The following LARGE1 variants were observed in gnomAD, a reference collection of about 807,000 sequenced individuals.
The protein encoded by LARGE1 is xylosyl- and glucuronyltransferase LARGE1.
In LARGE1, 43 loss-of-function variants were observed where a neutral mutation model predicts 87.6. That is an observed-to-expected ratio of 0.49 (90% confidence interval 0.38 to 0.63). The LOEUF (loss-of-function observed/expected upper bound fraction) is 0.63. LARGE1 is among the 30% of genes least tolerant of loss of function. LARGE1 has a pLI of 0.00. For synonymous variants in LARGE1, 434 were observed against 394.6 expected, an observed-to-expected ratio of 1.10 and a Z score of -1.18; for missense variants, 802 against 1,000.2, an observed-to-expected ratio of 0.80 and a Z score of 2.67.
At chr22:33,444,548 C>A (rs2067611841) in intron 6 of LARGE1, among the ~76,000 whole-genome samples, 1 of 152,110 alleles carries the variant, frequency 6.6e-6, no homozygotes, top group Admixed American at 6.5e-5. Context: ...TCTTTCTATT[C>A]TTAAGCCTGA....
chr22:33,801,399 TC>T (rs1157638797), intron 1 of LARGE1, among the ~76,000 whole-genome samples: 1 of 152,228 alleles, frequency 6.6e-6, no homozygotes, highest in Non-Finnish European at 1.5e-5. Flanking sequence ...TTTATCGTAT[TC>T]ATTCTAATAG....
At chr22:33,398,320 G>A (rs2065818828) in intron 7 of LARGE1, among the ~76,000 whole-genome samples, 3 of 151,840 alleles carry the variant, frequency 2.0e-5, no homozygotes, top group Admixed American at 2.0e-4. Context: ...GCTGGTCAAA[G>A]CAAAACAACT....
At chr22:33,796,294 T>A (rs569225353) in intron 1 of LARGE1, among the ~76,000 whole-genome samples, 45 of 152,196 alleles carry the variant, frequency 3.0e-4, no homozygotes, top group Non-Finnish European at 5.7e-4. Context: ...TTCTAAGAGT[T>A]GGTTTCAACG....
chr22:33,316,743 AAAAC>A (rs1176379533), intron 10 of LARGE1, among the ~76,000 whole-genome samples: 10 of 152,188 alleles, frequency 6.6e-5, no homozygotes, highest in African/African-American at 9.7e-5. Flanking sequence ...TTTCAAAACA[AAAAC>A]AAACAAAGAA....
Position 33,661,989 on chromosome 22 carries a change from A to G in LARGE1, c.107-11321T>C, listed in dbSNP as rs188157183. 2.0e-5 allele frequency among the ~76,000 whole-genome samples: 3 copies of G among 146,510 alleles called. No individual in the cohort carries two copies. The East Asian group carries it at 6.2e-4, about 30-fold the overall frequency. ...TAAAAATCTAGAGCAGGGGTGTCCA[A>G]TCTTTTGGCTTCCCTGGGCCACACT... On this transcript the variant is annotated intron_variant, in intron 2 of 14. Transcript: ENST00000397394.
chr22:33,594,508 C>T (rs2078925926), intron 5 of LARGE1, among the ~76,000 whole-genome samples: 1 of 152,204 alleles, frequency 6.6e-6, no homozygotes, highest in South Asian at 2.1e-4. Context: ...TTCCAGTTTA[C>T]CCTGCCCATT....
chr22:33,455,310 A>C (rs946397092), intron 6 of LARGE1, among the ~76,000 whole-genome samples: 1 of 152,210 alleles, frequency 6.6e-6, no homozygotes, highest in Non-Finnish European at 1.5e-5. Context: ...GGTGCTTACC[A>C]AGAGTGACTT....
At chr22:33,338,352 T>A (rs1326324102) in intron 9 of LARGE1, among the ~76,000 whole-genome samples, 1 of 152,034 alleles carries the variant, frequency 6.6e-6, no homozygotes, top group Admixed American at 6.6e-5. Flanking sequence ...TTTCCCACAC[T>A]CAGAACACGC....
intron 2 of LARGE1, among the ~76,000 whole-genome samples, chr22:33,661,248 C>G (rs1228688806): frequency 6.7e-6 from 1 of 149,408 alleles, no homozygotes; most frequent in Admixed American, 6.7e-5. Flanking sequence ...CAGGGTCTCG[C>G]TCTGTTGCCC....
chr22:33,564,376 G>A (rs1187333655), intron 6 of LARGE1, among the ~76,000 whole-genome samples: 2 of 152,070 alleles, frequency 1.3e-5, no homozygotes, highest in Non-Finnish European at 2.9e-5. Context: ...TAGAAAGAAC[G>A]TCTTGTAAAG....
intron 2 of LARGE1, among the ~76,000 whole-genome samples, chr22:33,684,308 AC>A (rs1429549202): frequency 6.6e-6 from 1 of 151,988 alleles, no homozygotes; most frequent in Non-Finnish European, 1.5e-5. Flanking sequence ...GAGAAACATG[AC>A]ACAATTATCA....
chr22:33,712,637 A>AGTGTGTGTGTGTGTGT (rs34754283), intron 2 of LARGE1, among the ~76,000 whole-genome samples: 109 of 134,736 alleles, frequency 8.1e-4, no homozygotes, highest in African/African-American at 2.4e-3. Context: ...TGAGGGGTAC[A>AGTGTGTGTGTGTGTGT]GTGTGTGTGT....
At chr22:33,852,082 G>C (rs1663930489) in intron 1 of LARGE1, among the ~76,000 whole-genome samples, 1 of 152,200 alleles carries the variant, frequency 6.6e-6, no homozygotes, top group Admixed American at 6.5e-5. Flanking sequence ...CCAGCTATTA[G>C]AGCCAGGCTG....
At chr22:33,861,533 T>G (rs1213261536) in intron 1 of LARGE1, 1 of 152,164 alleles carries the variant, frequency 6.6e-6, no homozygotes, top group African/African-American at 2.4e-5. Flanking sequence ...GCAATTAACC[T>G]CACTAAGCCT....
chr22:33,631,495 A>G (rs953048248), intron 3 of LARGE1, among the ~76,000 whole-genome samples: 1 of 152,176 alleles, frequency 6.6e-6, no homozygotes, highest in East Asian at 1.9e-4. Context: ...TAAGACATAA[A>G]CACACACCTT....
chr22:33,130,965 C>A, the LARGE1 span, among the ~76,000 whole-genome samples: 32 of 135,728 alleles, frequency 2.4e-4, no homozygotes, highest in Admixed American at 2.1e-3. Flanking sequence ...ACCCGGGAGG[C>A]GGAGCTTGCA....
the LARGE1 span, among the ~76,000 whole-genome samples, chr22:33,131,002 C>G: frequency 7.6e-6 from 1 of 130,950 alleles, no homozygotes; most frequent in Admixed American, 9.0e-5. Flanking sequence ...CCAATGCACT[C>G]CAGCCTGGGC....
intron 13 of LARGE1, among the ~76,000 whole-genome samples, chr22:33,279,745 T>C (rs1930063458): frequency 6.6e-6 from 1 of 152,252 alleles, no homozygotes; most frequent in South Asian, 2.1e-4. Context: ...ATTTCGGGCA[T>C]GATCCAACAA....
chr22:33,866,189 C>G (rs774680085), intron 1 of LARGE1, among the ~76,000 whole-genome samples: 4 of 151,956 alleles, frequency 2.6e-5, no homozygotes, highest in Non-Finnish European at 5.9e-5. Flanking sequence ...AGATGACACT[C>G]ATAAATGATC....
Sources: allele counts gnomAD v4.1 joint callset (sites outside exome capture counted in the v4.1 genomes callset), GRCh38; gene constraint gnomAD v4.1.1; transcripts MANE v1.5; gene names NCBI Gene and HGNC (gene_info 2026-07-23, HGNC 2026-07-21).